CRACD: variants seen among roughly 807,000 people sequenced by gnomAD.
The protein encoded by CRACD is capping protein-inhibiting regulator of actin dynamics.
Under a neutral mutation model 106.8 loss-of-function variants are expected in CRACD, and 56 were observed. The observed-to-expected ratio is 0.52, with a 90% CI of 0.42 to 0.66. The LOEUF is 0.66. Ranked by LOEUF, CRACD falls within the 30% of genes least tolerant of loss-of-function variation. CRACD has a pLI of 0.00. For missense variants in CRACD, 1,730 were observed against 1,623.2 expected, an observed-to-expected ratio of 1.07 and a Z score of -1.13; for synonymous variants, 754 against 670.8, an observed-to-expected ratio of 1.12 and a Z score of -1.92.
intron 1 of CRACD, among the ~76,000 whole-genome samples, chr4:56,137,531 A>G (rs1348479966): frequency 6.6e-6 from 1 of 152,198 alleles, no homozygotes; most frequent in African/African-American, 2.4e-5. Flanking sequence ...ACTGCCCTAC[A>G]CACTGTTGTC....
At chr4:56,170,891 G>A (rs1182468908) in intron 1 of CRACD, among the ~76,000 whole-genome samples, 1 of 152,058 alleles carries the variant, frequency 6.6e-6, no homozygotes, top group African/African-American at 2.4e-5. Context: ...TTGTAAATAG[G>A]GAGTAATTTA....
intron 1 of CRACD, among the ~76,000 whole-genome samples, chr4:56,080,483 G>C (rs576761224): frequency 1.3e-5 from 2 of 152,302 alleles, no homozygotes; most frequent in Admixed American, 1.3e-4. Context: ...CAGATGTCAC[G>C]TCTGCCAGGA....
At chr4:56,147,387 A>C (rs948105081) in intron 1 of CRACD, among the ~76,000 whole-genome samples, 1 of 152,216 alleles carries the variant, frequency 6.6e-6, no homozygotes, top group African/African-American at 2.4e-5. Flanking sequence ...TCTGGAAAGA[A>C]ACCCTGTACC....
intron 2 of CRACD, among the ~76,000 whole-genome samples, chr4:56,266,170 T>C (rs1469013017): frequency 6.6e-6 from 1 of 152,164 alleles, no homozygotes; most frequent in Admixed American, 6.5e-5. Flanking sequence ...GCAGTATAGA[T>C]GCATATGTAA....
At chr4:56,072,260 G>T (rs75696316) in intron 1 of CRACD, among the ~76,000 whole-genome samples, 5,437 of 151,674 alleles carry the variant, frequency 0.036, 324 homozygotes, top group African/African-American at 0.12. Context: ...AAATTCTTTT[G>T]ACATAAGGCT....
chr4:56,171,775 G>C (rs1736375172), intron 1 of CRACD, among the ~76,000 whole-genome samples: 2 of 152,092 alleles, frequency 1.3e-5, no homozygotes, highest in South Asian at 4.2e-4. Flanking sequence ...TAGGGGCGGT[G>C]GTGGGGAATT....
intron 2 of CRACD, among the ~76,000 whole-genome samples, chr4:56,230,471 T>C (rs938734028): frequency 2.0e-5 from 3 of 152,210 alleles, no homozygotes; most frequent in African/African-American, 7.2e-5. Context: ...GCATTGTTCC[T>C]ACTCAAAAAG....
chr4:56,258,426 C>A (rs1741500585), intron 2 of CRACD, among the ~76,000 whole-genome samples: 1 of 152,208 alleles, frequency 6.6e-6, no homozygotes, highest in Non-Finnish European at 1.5e-5. Context: ...GTTCTCAGCA[C>A]CTCCTGAGGC....
intron 1 of CRACD, among the ~76,000 whole-genome samples, chr4:56,130,239 G>A (rs1290528866): frequency 6.6e-6 from 1 of 152,024 alleles, no homozygotes; most frequent in Non-Finnish European, 1.5e-5. Flanking sequence ...ACTTCAGCCT[G>A]GGTGACAGAG....
chr4:56,295,931 A>G (rs1466834633), intron 3 of CRACD, among the ~76,000 whole-genome samples: 2 of 152,030 alleles, frequency 1.3e-5, no homozygotes, highest in African/African-American at 4.8e-5. Context: ...AGATCATAAC[A>G]TATTAATCTC....
At chr4:56,134,566 C>T (rs1734937036) in intron 1 of CRACD, among the ~76,000 whole-genome samples, 1 of 152,144 alleles carries the variant, frequency 6.6e-6, no homozygotes, top group Non-Finnish European at 1.5e-5. Context: ...GGGTCATGCA[C>T]CAACACCAAT....
intron 2 of CRACD, among the ~76,000 whole-genome samples, chr4:56,212,804 C>T (rs1310790405): frequency 6.6e-6 from 1 of 152,172 alleles, no homozygotes; most frequent in Non-Finnish European, 1.5e-5. Flanking sequence ...CTACCAGTTT[C>T]TGTCTGACCC....
intron 2 of CRACD, among the ~76,000 whole-genome samples, chr4:56,186,462 T>C (rs1737099242): frequency 6.6e-6 from 1 of 152,128 alleles, no homozygotes; most frequent in Non-Finnish European, 1.5e-5. Context: ...AAGATATCTC[T>C]TCCAGGAGCT....
At chr4:56,090,154 A>T (rs1303510283) in intron 1 of CRACD, among the ~76,000 whole-genome samples, 23 of 111,136 alleles carry the variant, frequency 2.1e-4, no homozygotes, top group Middle Eastern at 4.8e-3. Flanking sequence ...CTTTTTTTTA[A>T]AAAAAAAAAA....
chr4:56,250,161 C>T (rs1054444526), intron 2 of CRACD, among the ~76,000 whole-genome samples: 3 of 151,918 alleles, frequency 2.0e-5, no homozygotes, highest in African/African-American at 7.3e-5. Flanking sequence ...CTATATTCCA[C>T]TATTCTCCTT....
rs575935478 is a variant in CRACD, at chr4:56,087,161, C to T, written c.-336+37862C>T. Reference sequence around the variant, plus strand: ...TGGAGTAGCTGGGATTACAGGCATCCGTCACTATGCCCGGCTAATTTTTGT... The same window carrying T: ...TGGAGTAGCTGGGATTACAGGCATCTGTCACTATGCCCGGCTAATTTTTGT... On this transcript the variant is annotated intron_variant, in intron 1 of 10. Coordinates refer to ENST00000682029, the MANE Select transcript of CRACD (RefSeq NM_001393381.1). 3.6e-4 allele frequency among the ~76,000 whole-genome samples: 55 copies of T among 152,144 alleles called. 1 individual carries two copies. The highest frequency in any genetic ancestry group is 2.7e-3 in the South Asian group (13 of 4,824).
chr4:56,254,208 G>A lies in CRACD; in HGVS notation c.-188-18113G>A, dbSNP rs373786575. Among the ~76,000 whole-genome samples the A allele has an allele frequency of 6.6e-5, 10 of 152,312 alleles. No homozygotes were observed. The East Asian group carries it at 1.4e-3, about 21-fold the overall frequency. On this transcript the variant is annotated intron_variant, in intron 2 of 10. Coordinates refer to ENST00000682029, the MANE Select transcript of CRACD (RefSeq NM_001393381.1). ...AGAGGACAGTGACTGTCACAGGGCT[G>A]TTTCATCTACATGTAGTGCTCTCCA... is the stretch of plus-strand genomic sequence containing the variant.
intron 1 of CRACD, among the ~76,000 whole-genome samples, chr4:56,174,277 C>A (rs746315739): frequency 3.3e-5 from 5 of 152,098 alleles, no homozygotes; most frequent in Non-Finnish European, 4.4e-5. Flanking sequence ...TCACCTCAGA[C>A]CTTTATCAGT....
intron 6 of CRACD, chr4:56,311,573 G>A (rs1745164664): frequency 2.6e-5 from 4 of 152,164 alleles, no homozygotes; most frequent in African/African-American, 7.2e-5. Flanking sequence ...CCATTATAAA[G>A]ATAACCATAA....
Sources: gnomAD v4.1 joint callset for allele counts (sites outside exome capture counted in the v4.1 genomes callset) on GRCh38, gnomAD v4.1.1 for gene constraint, MANE v1.5 for transcripts, NCBI Gene and HGNC (gene_info 2026-07-23, HGNC 2026-07-21) for gene names.